Variants in CEMIP observed in about 807,000 individuals in gnomAD.
CEMIP encodes cell migration-inducing and hyaluronan-binding protein.
A neutral mutation model predicts 156.9 loss-of-function variants in CEMIP; 105 were observed. That is an observed-to-expected ratio of 0.67 (90% CI 0.57 to 0.79). CEMIP has a LOEUF of 0.79. CEMIP is among the 30% of genes least tolerant of loss of function. The pLI is 0.00. For synonymous variants in CEMIP, 676 were observed against 668.4 expected (o/e 1.01, Z -0.17); for missense variants, 1,457 against 1,769.4 (o/e 0.82, Z 3.17).
intron 1 of CEMIP, among the ~76,000 whole-genome samples, chr15:80,800,533 A>G (rs976336515): frequency 1.3e-5 from 2 of 152,198 alleles, no homozygotes; most frequent in African/African-American, 4.8e-5. Context: ...TCTCTTTAAT[A>G]AAATCTTGGG....
In CEMIP at chr15:80,851,665, A is replaced by T. The variant is rs1897719235; in HGVS notation, c.-175-21873A>T. ...CTTCCAGCAGAAACAGCAATGTGAT[A>T]AAAGGCACAGACCATGAGCTCACGT... On this transcript the variant is annotated intron_variant, in intron 1 of 29. Coordinates refer to ENST00000394685, the MANE Select transcript of CEMIP (RefSeq NM_001293298.2). Among the ~76,000 whole-genome samples, 4 of 152,268 alleles carry T rather than the reference A, an allele frequency of 2.6e-5. No individual in the cohort carries two copies. In the South Asian group the frequency reaches 8.3e-4, roughly 32 times the overall value.
chr15:80,939,723 C>A (rs1016350049), intron 25 of CEMIP, among the ~76,000 whole-genome samples: 2 of 152,114 alleles, frequency 1.3e-5, no homozygotes, highest in Non-Finnish European at 2.9e-5. Context: ...GCCTTAGGGA[C>A]CAGGAGTTGG....
chr15:80,787,592 T>C (rs1037588432), intron 1 of CEMIP, among the ~76,000 whole-genome samples: 1 of 152,202 alleles, frequency 6.6e-6, no homozygotes, highest in Non-Finnish European at 1.5e-5. Flanking sequence ...AAAGACTGAC[T>C]CCCAGACCTT....
Position 80,807,613 on chromosome 15 carries a change from C to A in CEMIP, c.-176+27999C>A, listed in dbSNP as rs144854251. On this transcript the variant is annotated intron_variant, in intron 1 of 29. Transcript: ENST00000394685. ...ATTTTGGAGGCCTTGGAGGCCAGAA[C>A]AAGAGTGTGCATGGTACTGTAGTCA... Among the ~76,000 whole-genome samples, 307 of 152,270 alleles carry A rather than the reference C, an allele frequency of 2.0e-3. 2 individuals carry two copies. Among genetic ancestry groups the A allele is most frequent in the African/African-American group, 7.1e-3 (297 of 41,556 alleles).
intron 1 of CEMIP, among the ~76,000 whole-genome samples, chr15:80,827,919 A>G (rs12438768): frequency 0.5 from 75,280 of 151,996 alleles, 18,761 homozygotes; most frequent in East Asian, 0.6. Flanking sequence ...CCCCTTCCCC[A>G]TCTCTGAAAG....
intron 1 of CEMIP, among the ~76,000 whole-genome samples, chr15:80,828,798 G>A (rs561287304): frequency 6.6e-6 from 1 of 152,300 alleles, no homozygotes; most frequent in South Asian, 2.1e-4. Flanking sequence ...TTAAAAACCA[G>A]GCTTTGGAAC....
Position 80,804,681 on chromosome 15 carries a change from G to A in CEMIP, c.-176+25067G>A, listed in dbSNP as rs139432981. ...CGTGCGTCTTTCCTAATGAATGACT[G>A]GGATTCCTTCACAGGTGAAAATCTC... On this transcript the variant is annotated intron_variant, in intron 1 of 29. Transcript: ENST00000394685. Among the ~76,000 whole-genome samples, 26 of 152,268 alleles carry A rather than the reference G, an allele frequency of 1.7e-4. 1 individual carries two copies. The South Asian group carries it at 2.7e-3, about 16-fold the overall frequency.
At chr15:80,918,297 A>G (rs553019849) in intron 14 of CEMIP, among the ~76,000 whole-genome samples, 15 of 152,256 alleles carry the variant, frequency 9.9e-5, no homozygotes, top group Admixed American at 9.8e-4. Context: ...AAGAAAAAAA[A>G]AAGACTTGAA....
intron 28 of CEMIP, among the ~76,000 whole-genome samples, chr15:80,945,624 C>T (rs777882209): frequency 3.3e-5 from 5 of 152,208 alleles, no homozygotes; most frequent in Non-Finnish European, 5.9e-5. Flanking sequence ...ACAAGCCCTT[C>T]GCATCTTAAG....
At chr15:80,891,997 C>A (rs1040216192) in intron 10 of CEMIP, among the ~76,000 whole-genome samples, 1 of 152,136 alleles carries the variant, frequency 6.6e-6, no homozygotes, top group East Asian at 1.9e-4. Context: ...TTAATTAACC[C>A]AGGGAGAGAC....
chr15:80,930,798 G>A (rs1900884225), intron 21 of CEMIP, among the ~76,000 whole-genome samples: 1 of 152,102 alleles, frequency 6.6e-6, no homozygotes, highest in African/African-American at 2.4e-5. Flanking sequence ...TCTCCCTGTG[G>A]GCAGATATTT....
At chr15:80,939,357 G>C (rs1901254002) in intron 25 of CEMIP, among the ~76,000 whole-genome samples, 1 of 152,186 alleles carries the variant, frequency 6.6e-6, no homozygotes, top group South Asian at 2.1e-4. Flanking sequence ...GATGAGGGGA[G>C]GGCCCAGGGG....
At chr15:80,896,728 A>G (rs982716256) in intron 12 of CEMIP, among the ~76,000 whole-genome samples, 2 of 152,212 alleles carry the variant, frequency 1.3e-5, no homozygotes, top group Admixed American at 6.5e-5. Context: ...GGAGTTATGT[A>G]TCAATTAGAG....
intron 1 of CEMIP, among the ~76,000 whole-genome samples, chr15:80,801,555 C>T (rs1896378434): frequency 6.6e-6 from 1 of 152,182 alleles, no homozygotes; most frequent in Non-Finnish European, 1.5e-5. Context: ...TTGGCTGAAG[C>T]CAGGTCAGTT....
chr15:80,911,294 T>C (rs1037790152), intron 14 of CEMIP, among the ~76,000 whole-genome samples: 1 of 152,202 alleles, frequency 6.6e-6, no homozygotes, highest in Non-Finnish European at 1.5e-5. Context: ...GAGGTCAGGA[T>C]ACATGGTGAA....
At position 80,946,962 on chromosome 15, in the gene CEMIP, C is replaced by T. The variant is rs1158503531; in HGVS notation, c.3858-3C>T. ...CTGGTCTAATTGGTTTCTTCTCACA[C>T]AGTTCCATAGTGCTTATGGCATCAA... On this transcript the variant is annotated splice_region_variant and splice_polypyrimidine_tract_variant and intron_variant, in intron 28 of 29. Transcript: ENST00000394685. 8 of 1,605,116 alleles carry T rather than the reference C, an allele frequency of 5.0e-6. No homozygotes were observed. The highest frequency in any genetic ancestry group is 6.0e-6 in the Non-Finnish European group (7 of 1,171,840).
intron 16 of CEMIP, 64 bp downstream of exon 16, chr15:80,921,165 C>T (rs932329547): frequency 1.3e-5 from 19 of 1,413,314 alleles, no homozygotes; most frequent in African/African-American, 4.2e-5. Flanking sequence ...GGGAGACAGC[C>T]GAGGCTTACC....
chr15:80,923,158 CAG>C (rs901131892), intron 17 of CEMIP, among the ~76,000 whole-genome samples: 3 of 152,046 alleles, frequency 2.0e-5, no homozygotes, highest in Non-Finnish European at 4.4e-5. Flanking sequence ...GTGGCAGAAA[CAG>C]AAGCAGAGTC....
chr15:80,947,939 C>G (rs1901633344), intron 29 of CEMIP: 1 of 152,296 alleles, frequency 6.6e-6, no homozygotes, highest in Non-Finnish European at 1.5e-5. Flanking sequence ...ACCATCCTCA[C>G]TATGGAAAAC....
Sources: gnomAD v4.1 joint callset for allele counts (sites outside exome capture counted in the v4.1 genomes callset) on GRCh38, gnomAD v4.1.1 for gene constraint, MANE v1.5 for transcripts, NCBI Gene and HGNC (gene_info 2026-07-23, HGNC 2026-07-21) for gene names.